Variants in A2M observed in about 807,000 individuals in gnomAD.
A2M encodes alpha-2-macroglobulin.
A neutral mutation model predicts 183.9 loss-of-function variants in A2M; 128 were observed. That is an observed-to-expected ratio of 0.70 (90% CI 0.60 to 0.81). The LOEUF is 0.81. Ranked by LOEUF, A2M falls within the 30% of genes least tolerant of loss-of-function variation. The probability of loss-of-function intolerance (pLI) is 0.00; values close to 1 mark genes in which losing one functional copy is unlikely to be tolerated. For synonymous variants in A2M, 592 were observed against 670.8 expected (o/e 0.88, Z 1.81); for missense variants, 1,495 against 1,787.6 (o/e 0.84, Z 2.95).
At chr12:9,077,287 G>C in intron 27 of A2M, 59 bp downstream of exon 27, 1 of 1,452,524 alleles carries the variant, frequency 6.9e-7, no homozygotes, top group Admixed American at 1.8e-5. Context: ...CAGACAGCAG[G>C]TCAGCAGTTT....
rs1199766506 is a variant in A2M, at chr12:9,070,519, C to G, written c.4163G>C (p.Gly1388Ala). 1 of 1,613,748 alleles carries G rather than the reference C, an allele frequency of 6.2e-7. No homozygotes were observed. The highest frequency in any genetic ancestry group is 8.5e-7 in the Non-Finnish European group (1 of 1,179,792). ...CACTGTTGGCTTCAGGGGAATGAAG[C>G]CAGAGACCATCTTCACATCAACGAT... Reference protein sequence around the residue: ...MAIVDVKMVSGFIPLKPTVKM... With the variant: ...MAIVDVKMVSAFIPLKPTVKM... Residue 1388 changes from glycine (G) to alanine (A), a missense_variant, in exon 32 of 36, where the codon GGC becomes GCC. By Grantham distance (60) the Gly-to-Ala change is moderately conservative. Coordinates refer to ENST00000318602, the MANE Select transcript of A2M (RefSeq NM_000014.6).
At chr12:9,110,092 A>G in intron 5 of A2M, 57 bp from the exon 6 acceptor site, 1 of 1,542,340 alleles carries the variant, frequency 6.5e-7, no homozygotes, top group Non-Finnish European at 8.8e-7. Context: ...GGAGCTAATA[A>G]AAGATATCTA....
In A2M at chr12:9,089,944, T is replaced by C; in HGVS notation, c.2676A>G (p.Glu892=). 6.2e-7 allele frequency: 1 copy of C among 1,612,718 alleles called. No homozygotes were observed. Among genetic ancestry groups the C allele is most frequent in the South Asian group, 1.1e-5 (1 of 90,902 alleles). Reference sequence around the variant, plus strand: ...TGATGACTGTGTCTTTCCTTCCGTGTTCAGGAACTGAAGGCACCTCAGTCC... The same window carrying C: ...TGATGACTGTGTCTTTCCTTCCGTGCTCAGGAACTGAAGGCACCTCAGTCC... ...LCGTEVPSVP[E]HGRKDTVIKP... is the part of the protein sequence containing the mutation. Residue 892 remains glutamate, a synonymous_variant, in exon 21 of 36, where the codon GAA becomes GAG. Coordinates refer to ENST00000318602, the MANE Select transcript of A2M (RefSeq NM_000014.6).
chr12:9,080,860 T>G (rs188361970), intron 22 of A2M, among the ~76,000 whole-genome samples: 84 of 152,210 alleles, frequency 5.5e-4, no homozygotes, highest in African/African-American at 1.9e-3. Flanking sequence ...AAATTCATAT[T>G]AAAATGTTTC....
Position 9,110,020 on chromosome 12 carries a change from G to T in A2M, c.520C>A (p.Arg174Ser), listed in dbSNP as rs756179835. 1 of 1,611,004 alleles carries T rather than the reference G, an allele frequency of 6.2e-7. No homozygotes were observed. The highest frequency in any genetic ancestry group is 1.3e-5 in the African/African-American group (1 of 74,706). The change falls in exon 6 of 36, where the codon CGC (arginine) becomes AGC (serine). Residue 174 changes from arginine to serine, a missense_variant. Transcript: ENST00000318602. ...LVYIQDPKGN[R>S]IAQWQSFQLE... ...TGGAAACTCTGCCATTGTGCGATGC[G>T]ATTTCCTTTGGGATCCTATATGAGT...
chr12:9,106,387 A>G, intron 9 of A2M, 42 bp from the exon 10 acceptor site: 1 of 1,496,078 alleles, frequency 6.7e-7, no homozygotes, highest in Non-Finnish European at 9.3e-7. Flanking sequence ...GGGAAGAATG[A>G]TGTCTCTAAA....
chr12:9,074,343 T>A (rs931070947), intron 29 of A2M, among the ~76,000 whole-genome samples: 2 of 152,122 alleles, frequency 1.3e-5, no homozygotes, highest in African/African-American at 4.8e-5. Context: ...AGATGGATAA[T>A]AACACAGCGA....
chr12:9,097,632 C>CTTTTTTTT lies in A2M; in HGVS notation c.1851+967_1851+974dup, dbSNP rs34844537. Among the ~76,000 whole-genome samples, 40 of 127,106 alleles carry CTTTTTTTT rather than the reference C, an allele frequency of 3.1e-4. 1 individual carries two copies. The highest frequency in any genetic ancestry group is 6.2e-4 in the African/African-American group (21 of 34,012). The allele number at this position is 127,106 out of a possible 152,430, so 83.4% of individuals were successfully genotyped here. A position where few individuals can be genotyped will look rare whatever the true frequency, so the allele number is the denominator to read the frequency against. ...AGCAATTATTTCAACTGATGTAATT[C>CTTTTTTTT]TTTTTTTTTTTTTTTTTTTGACACC... is the stretch of plus-strand genomic sequence containing the variant. On this transcript the variant is annotated intron_variant, in intron 15 of 35. Coordinates refer to ENST00000318602, the MANE Select transcript of A2M (RefSeq NM_000014.6).
At chr12:9,085,654 G>A (rs1949031586) in intron 22 of A2M, among the ~76,000 whole-genome samples, 1 of 151,842 alleles carries the variant, frequency 6.6e-6, no homozygotes, top group South Asian at 2.1e-4. Flanking sequence ...AAATAATAAA[G>A]ATTAGAGCAG....
Position 9,093,515 on chromosome 12 carries a change from G to C in A2M, c.2190C>G (p.Thr730=), listed in dbSNP as rs773985561. ...LVHVEEPHTE[T]VRKYFPETWI... is the part of the protein sequence containing the mutation. ...ATGTCTCAGGGAAGTACTTTCGTAC[G>C]GTCTCCGTGTGAGGCTCTTCAACAT... The change falls in exon 18 of 36, where the codon ACC becomes ACG. Residue 730 remains threonine, a synonymous_variant. Coordinates refer to ENST00000318602, the MANE Select transcript of A2M (RefSeq NM_000014.6). The C allele has an allele frequency of 6.2e-7, 1 of 1,613,622 alleles. No individual in the cohort carries two copies. The highest frequency in any genetic ancestry group is 1.3e-5 in the African/African-American group (1 of 74,872).
At chr12:9,097,804 T>C (rs1395837280) in intron 15 of A2M, among the ~76,000 whole-genome samples, 1 of 152,198 alleles carries the variant, frequency 6.6e-6, no homozygotes, top group Non-Finnish European at 1.5e-5. Flanking sequence ...GACTAATTTT[T>C]GTATTTTTAG....
chr12:9,103,979 G>C (rs1031519746), intron 11 of A2M, among the ~76,000 whole-genome samples: 2 of 152,102 alleles, frequency 1.3e-5, no homozygotes, highest in African/African-American at 4.8e-5. Context: ...AATTTTTTCA[G>C]GAACTACTAT....
At chr12:9,105,162 A>G (rs2137915451) in intron 10 of A2M, among the ~76,000 whole-genome samples, 1 of 152,300 alleles carries the variant, frequency 6.6e-6, no homozygotes, top group East Asian at 1.9e-4. Context: ...TATAAGCTAC[A>G]GTTGGTAGCA....
intron 32 of A2M, 49 bp downstream of exon 32, chr12:9,070,439 C>A: frequency 1.6e-6 from 2 of 1,220,298 alleles, no homozygotes; most frequent in Non-Finnish European, 2.4e-6. Flanking sequence ...GCTGGGGATA[C>A]ATACATCATT....
In A2M at chr12:9,079,708, C is replaced by T. The variant is rs768021420; in HGVS notation, c.2962G>A (p.Asp988Asn). The T allele has an allele frequency of 3.9e-5, 63 of 1,613,586 alleles. No individual in the cohort carries two copies. The highest frequency in any genetic ancestry group is 1.6e-4 in the Middle Eastern group (1 of 6,074). The change falls in exon 24 of 36, where the codon GAT (aspartate) becomes AAT (asparagine). Residue 988 changes from aspartate (D) to asparagine (N), a missense_variant. Physicochemically the swap from Asp to Asn is conservative, Grantham distance 23 (BLOSUM62 1). Coordinates refer to ENST00000318602, the MANE Select transcript of A2M (RefSeq NM_000014.6). ...VLFAPNIYVL[D>N]YLNETQQLTP... ...AGCTGCTGTGTTTCATTTAGATAATCCAGTACATAGATGTTAGGAGCAAAG... is the reference window on the plus strand; with the variant it reads ...AGCTGCTGTGTTTCATTTAGATAATTCAGTACATAGATGTTAGGAGCAAAG...
In A2M at chr12:9,080,150, A is replaced by G. The variant is rs1443974015; in HGVS notation, c.2798T>C (p.Leu933Pro). ...TTCTACCACATTTGGTGGCAGTTTC[A>G]GGGATAATTCTTCAGAAACCTCACC... The part of the protein sequence containing the change: ...SGGEVSEELS[L>P]KLPPNVVEES... Residue 933 changes from leucine (L) to proline (P), a missense_variant, in exon 23 of 36, where the codon CTG (leucine) becomes CCG (proline). By Grantham distance (98) the Leu-to-Pro change is moderately conservative. Coordinates refer to ENST00000318602, the MANE Select transcript of A2M (RefSeq NM_000014.6). The G allele has an allele frequency of 6.9e-6, 11 of 1,587,486 alleles. No homozygotes were observed. The highest frequency in any genetic ancestry group is 1.3e-5 in the African/African-American group (1 of 74,382).
chr12:9,111,271 G>A (rs1938705796), intron 4 of A2M, among the ~76,000 whole-genome samples: 1 of 152,184 alleles, frequency 6.6e-6, no homozygotes, highest in African/African-American at 2.4e-5. Context: ...TGTTTTAATG[G>A]AGCTTATGTT....
intron 28 of A2M, 47 bp downstream of exon 28, chr12:9,076,709 T>G (rs1948756821): frequency 1.2e-6 from 2 of 1,607,072 alleles, no homozygotes. Context: ...CATGCAGTTC[T>G]TGATACAGAG....
chr12:9,104,209 A>G (rs1255578779), intron 11 of A2M, 30 bp downstream of exon 11: 29 of 1,597,914 alleles, frequency 1.8e-5, no homozygotes, highest in Non-Finnish European at 2.4e-5. Flanking sequence ...AGGCTACTTC[A>G]TGTCATTGGT....
Sources: allele counts gnomAD v4.1 joint callset (sites outside exome capture counted in the v4.1 genomes callset), GRCh38; gene constraint gnomAD v4.1.1; transcripts MANE v1.5; gene names NCBI Gene and HGNC (gene_info 2026-07-23, HGNC 2026-07-21).